The following ZAP70 variants were observed in gnomAD, a reference collection of about 807,000 sequenced individuals.
The protein encoded by ZAP70 is tyrosine-protein kinase ZAP-70.
A neutral mutation model predicts 65.8 loss-of-function variants in ZAP70; 27 were observed. The ratio of observed to expected loss-of-function variants is 0.41; its 90% CI spans 0.30 to 0.57. The LOEUF is 0.57. ZAP70 is among the 20% of genes least tolerant of loss of function. The pLI is 0.28. For missense variants in ZAP70, 696 were observed against 870.5 expected (o/e 0.80, Z 2.52); for synonymous variants, 363 against 360.8 (o/e 1.01, Z -0.07).
In ZAP70 at chr2:97,724,330, G is replaced by A. The variant is rs752938323; in HGVS notation, c.294G>A (p.Leu98=). Residue 98 remains leucine, a synonymous_variant, in exon 3 of 14, where the codon CTG becomes CTA. Coordinates refer to ENST00000264972, the MANE Select transcript of ZAP70 (RefSeq NM_001079.4). Reference sequence around the variant, plus strand: ...ACCCCGACGGGCTGCCCTGCAACCTGCGCAAGCCGTGCAACCGGCCGTCGG... The same window carrying A: ...ACCCCGACGGGCTGCCCTGCAACCTACGCAAGCCGTGCAACCGGCCGTCGG... ...SRDPDGLPCN[L]RKPCNRPSGL... is the part of the protein sequence containing the mutation. 1 of 1,573,886 alleles carries A rather than the reference G, an allele frequency of 6.4e-7. No homozygotes were observed. The highest frequency in any genetic ancestry group is 8.6e-7 in the Non-Finnish European group (1 of 1,159,832).
chr2:97,740,613 A>AACGCTAACAGACCC (rs1191222567), downstream of ZAP70, among the ~76,000 whole-genome samples: 1 of 152,178 alleles, frequency 6.6e-6, no homozygotes, highest in African/African-American at 2.4e-5. Flanking sequence ...GTACATTGGG[A>AACGCTAACAGACCC]ACGCTAACAG....
chr2:97,729,892 A>G (rs899506316), intron 4 of ZAP70, among the ~76,000 whole-genome samples: 2 of 152,190 alleles, frequency 1.3e-5, no homozygotes, highest in Non-Finnish European at 2.9e-5. Flanking sequence ...CTGTGTAACA[A>G]TGTGCTGTAT....
chr2:97,716,161 G>A (rs1676903949), intron 2 of ZAP70, among the ~76,000 whole-genome samples: 1 of 152,170 alleles, frequency 6.6e-6, no homozygotes, highest in Non-Finnish European at 1.5e-5. Flanking sequence ...TCTGGGCTGA[G>A]GGAATAGCCT....
rs1677275189 is a variant in ZAP70, at chr2:97,724,152, G to C, written c.116G>C (p.Cys39Ser). The C allele has an allele frequency of 6.3e-7, 1 of 1,578,132 alleles. No individual in the cohort carries two copies. The highest frequency in any genetic ancestry group is 1.1e-5 in the South Asian group (1 of 87,834). The change falls in exon 3 of 14, where the codon TGC (cysteine) becomes TCC (serine). Residue 39 changes from cysteine (C) to serine (S), a missense_variant. Cys to Ser is a moderately radical substitution (Grantham distance 112). Transcript: ENST00000264972. ...GACGGGCTCTTCCTGCTGCGCCAGT[G>C]CCTGCGCTCGCTGGGCGGCTATGTG... ...MADGLFLLRQ[C>S]LRSLGGYVLS...
At position 97,725,238 on chromosome 2, in the gene ZAP70, C is replaced by T. The variant is rs1267633145; in HGVS notation, c.549C>T (p.Thr183=). 6.8e-6 allele frequency: 11 copies of T among 1,613,308 alleles called. No homozygotes were observed. In the African/African-American group the frequency reaches 1.2e-4, roughly 18 times the overall value. Residue 183 remains threonine, a synonymous_variant, in exon 4 of 14, where the codon ACC becomes ACT. Coordinates refer to ENST00000264972, the MANE Select transcript of ZAP70 (RefSeq NM_001079.4). ...GCAAACTTTACTCTGGGGCGCAGAC[C>T]GACGGCAAGTTCCTGTATGTGGGGC... ...AERKLYSGAQ[T]DGKFLLRPRK...
downstream of ZAP70, among the ~76,000 whole-genome samples, chr2:97,740,191 C>T (rs1388000715): frequency 6.6e-6 from 1 of 152,146 alleles, no homozygotes; most frequent in Non-Finnish European, 1.5e-5. Flanking sequence ...CCCCCCTCCC[C>T]CATCCAGCTG....
At chr2:97,744,941 C>G in the ZAP70 span, among the ~76,000 whole-genome samples, 1 of 152,182 alleles carries the variant, frequency 6.6e-6, no homozygotes, top group Non-Finnish European at 1.5e-5. Context: ...GCAGTGGATT[C>G]TCAGGTATAA....
In ZAP70 at chr2:97,737,860, T is replaced by C; in HGVS notation, c.1586T>C (p.Met529Thr). 3 of 1,614,100 alleles carry C rather than the reference T, an allele frequency of 1.9e-6. No individual in the cohort carries two copies. The highest frequency in any genetic ancestry group is 1.1e-5 in the South Asian group (1 of 91,080). ...GATGTCTGGAGCTATGGGGTCACCATGTGGGAGGCCTTGTCCTACGGCCAG... is the reference window on the plus strand; with the variant it reads ...GATGTCTGGAGCTATGGGGTCACCACGTGGGAGGCCTTGTCCTACGGCCAG... ...RSDVWSYGVT[M>T]WEALSYGQKP... The change falls in exon 12 of 14, where the codon ATG becomes ACG. Residue 529 changes from methionine (M) to threonine (T), a missense_variant. By Grantham distance (81) the Met-to-Thr change is moderately conservative. Transcript: ENST00000264972. This position sits in a 1 kb window ranked among gnomAD's most constrained non-coding sequence, Gnocchi z 5.0.
In ZAP70 at chr2:97,737,701, G is replaced by A. The variant is rs1307401114; in HGVS notation, c.1482+36G>A. The A allele has an allele frequency of 9.3e-6, 15 of 1,613,912 alleles. No individual in the cohort carries two copies. Among genetic ancestry groups the A allele is most frequent in the Admixed American group, 1.7e-5 (1 of 60,000 alleles). On this transcript the variant is annotated intron_variant, in intron 11 of 13. Transcript: ENST00000264972. This position sits in a 1 kb window ranked among gnomAD's most constrained non-coding sequence, Gnocchi z 5.0. ...GCCCCTGTGATGCCCGACTGGATGG[G>A]CTGGGTGGGTAGAGGGTCCCTGACC...
downstream of ZAP70, among the ~76,000 whole-genome samples, chr2:97,743,750 T>G (rs1358838063): frequency 6.6e-6 from 1 of 152,248 alleles, no homozygotes; most frequent in African/African-American, 2.4e-5. Context: ...CAGACGTAAA[T>G]TCTTCCAGTT....
chr2:97,748,939 G>A, the ZAP70 span, among the ~76,000 whole-genome samples: 1 of 151,858 alleles, frequency 6.6e-6, no homozygotes, highest in South Asian at 2.1e-4. Context: ...TCTTAGGTCC[G>A]TGACGGTTTA....
intron 2 of ZAP70, 46 bp downstream of exon 2, chr2:97,714,040 G>C (rs1162828414): frequency 6.5e-6 from 1 of 152,724 alleles, no homozygotes; most frequent in Non-Finnish European, 1.5e-5. Flanking sequence ...CGTCTCCATG[G>C]TGGGCTGTGT....
At position 97,713,653 on chromosome 2, in the gene ZAP70, G is replaced by A. The variant is rs199627733; in HGVS notation, c.-122G>A. 4 of 152,360 alleles carry A rather than the reference G, an allele frequency of 2.6e-5. No individual in the cohort carries two copies. The highest frequency in any genetic ancestry group is 5.9e-5 in the Non-Finnish European group (4 of 68,124). 9.4% of individuals were successfully genotyped at this position (152,360 alleles called of 1,614,324 possible). A position where few individuals can be genotyped will look rare whatever the true frequency, so the allele number is the denominator to read the frequency against. Reference sequence around the variant, plus strand: ...CAGGCCTGGCCCACCGTGGGCCTCAGAGCTGCTGCTGGGGCATTCAGGTAA... The same window carrying A: ...CAGGCCTGGCCCACCGTGGGCCTCAAAGCTGCTGCTGGGGCATTCAGGTAA... On this transcript the variant is annotated 5_prime_UTR_variant, in exon 1 of 14. Coordinates refer to ENST00000264972, the MANE Select transcript of ZAP70 (RefSeq NM_001079.4).
At chr2:97,739,014 G>A (rs779415260) in intron 13 of ZAP70, among the ~76,000 whole-genome samples, 18 of 152,094 alleles carry the variant, frequency 1.2e-4, no homozygotes, top group Non-Finnish European at 2.1e-4. Context: ...CTGATACCCT[G>A]GCCCCAGGTG....
chr2:97,743,980 A>G (rs11691641), downstream of ZAP70, among the ~76,000 whole-genome samples: 79,735 of 151,974 alleles, frequency 0.52, 21,560 homozygotes, highest in African/African-American at 0.6. Flanking sequence ...TATACCTGGT[A>G]TTTTCCTGTC....
At chr2:97,755,503 C>T in the ZAP70 span, among the ~76,000 whole-genome samples, 1 of 152,182 alleles carries the variant, frequency 6.6e-6, no homozygotes, top group Non-Finnish European at 1.5e-5. Context: ...GCTGTATTAG[C>T]AGGTAAACTG....
At chr2:97,751,913 C>T in the ZAP70 span, among the ~76,000 whole-genome samples, 7 of 152,186 alleles carry the variant, frequency 4.6e-5, no homozygotes, top group Non-Finnish European at 1.0e-4. Context: ...AAGCCATTCA[C>T]GAGGGCTCCA....
At chr2:97,734,864 C>G in intron 9 of ZAP70, 152 bp downstream of exon 9, 1 of 1,090,902 alleles carries the variant, frequency 9.2e-7, no homozygotes, top group Non-Finnish European at 1.3e-6. Flanking sequence ...CTGGAGGATT[C>G]CCTGAGAGAG....
chr2:97,725,235 G>C lies in ZAP70; in HGVS notation c.546G>C (p.Gln182His). The change falls in exon 4 of 14, where the codon CAG (glutamine) becomes CAC (histidine). Residue 182 changes from glutamine to histidine, a missense_variant. This residue lies in a region of ZAP70 where 551 missense variants were observed against 630.0 expected (regional missense o/e 0.87). Transcript: ENST00000264972. ...EAERKLYSGAQTDGKFLLRPR... is the reference protein window; with the variant it reads ...EAERKLYSGAHTDGKFLLRPR... ...AGCGCAAACTTTACTCTGGGGCGCA[G>C]ACCGACGGCAAGTTCCTGTATGTGG... The C allele has an allele frequency of 6.2e-7, 1 of 1,613,616 alleles. No individual in the cohort carries two copies. Among genetic ancestry groups the C allele is most frequent in the Middle Eastern group, 1.7e-4 (1 of 6,058 alleles).
Sources: gnomAD v4.1 joint callset for allele counts (sites outside exome capture counted in the v4.1 genomes callset) on GRCh38, gnomAD v4.1.1 for gene constraint, gnomAD v4.1.1 regional missense constraint, Gnocchi (gnomAD v3.1) non-coding constraint, MANE v1.5 for transcripts, NCBI Gene and HGNC (gene_info 2026-07-23, HGNC 2026-07-21) for gene names.